TMEM163: variants seen among roughly 807,000 people sequenced by gnomAD.
TMEM163 encodes the protein transmembrane protein 163.
TMEM163 carries 17 observed loss-of-function variants against 29.3 expected under a neutral mutation model. The observed-to-expected ratio is 0.58, with a 90% CI of 0.40 to 0.87. The LOEUF (loss-of-function observed/expected upper bound fraction) is 0.87. Among genes scored for constraint, TMEM163 ranks in the 40% least tolerant of loss-of-function variants. The pLI is 0.00. For synonymous variants in TMEM163, 157 were observed against 160.6 expected (o/e 0.98, Z 0.17); for missense variants, 303 against 381.5 (o/e 0.79, Z 1.71).
chr2:134,718,597 T>C (rs1159739547), intron 1 of TMEM163, 137 bp downstream of exon 1: 11 of 574,074 alleles, frequency 1.9e-5, no homozygotes, highest in Non-Finnish European at 2.6e-5. Context: ...CTAGCGGCGT[T>C]CTCGCCGGGA....
intron 4 of TMEM163, among the ~76,000 whole-genome samples, chr2:134,536,934 A>C (rs1680555380): frequency 6.6e-6 from 1 of 152,236 alleles, no homozygotes; most frequent in Non-Finnish European, 1.5e-5. Context: ...TCACAGTATC[A>C]ACATAGCCAA....
At chr2:134,631,225 A>G (rs1682960425) in intron 2 of TMEM163, among the ~76,000 whole-genome samples, 1 of 152,212 alleles carries the variant, frequency 6.6e-6, no homozygotes, top group African/African-American at 2.4e-5. Flanking sequence ...ATTCGCAGGC[A>G]GTTGGGAAGG....
intron 2 of TMEM163, among the ~76,000 whole-genome samples, chr2:134,615,916 C>A (rs1348870281): frequency 6.6e-6 from 1 of 152,094 alleles, no homozygotes; most frequent in Non-Finnish European, 1.5e-5. Flanking sequence ...CTTGGCCTCC[C>A]CAAGTGTTGG....
intron 2 of TMEM163, among the ~76,000 whole-genome samples, chr2:134,559,695 C>T (rs1274001225): frequency 1.3e-5 from 2 of 152,228 alleles, no homozygotes; most frequent in African/African-American, 2.4e-5. Context: ...TATACAACCC[C>T]GCCCCTAATC....
At chr2:134,681,515 C>A (rs1156363549) in intron 2 of TMEM163, among the ~76,000 whole-genome samples, 1 of 152,120 alleles carries the variant, frequency 6.6e-6, no homozygotes. Context: ...CTCTACCCCC[C>A]ACTCTTTCTC....
intron 5 of TMEM163, among the ~76,000 whole-genome samples, chr2:134,488,006 T>TTAA (rs1553473781): frequency 6.9e-6 from 1 of 145,056 alleles, no homozygotes; most frequent in South Asian, 2.2e-4. Context: ...AATCTCCATT[T>TTAA]AAAAAAAAAA....
chr2:134,675,491 G>A (rs1039984307), intron 2 of TMEM163, among the ~76,000 whole-genome samples: 16 of 152,082 alleles, frequency 1.1e-4, no homozygotes, highest in African/African-American at 3.1e-4. Flanking sequence ...AGTAACACAC[G>A]GGAACAGCAG....
intron 5 of TMEM163, among the ~76,000 whole-genome samples, chr2:134,480,174 CT>C (rs1270627234): frequency 6.6e-6 from 1 of 152,184 alleles, no homozygotes; most frequent in Non-Finnish European, 1.5e-5. Context: ...ATAAAGGGGA[CT>C]CCTCTGCCCT....
At position 134,688,392 on chromosome 2, in the gene TMEM163, G is replaced by A. The variant is rs533457193; in HGVS notation, c.322+24808C>T. 4.3e-4 allele frequency among the ~76,000 whole-genome samples: 65 copies of A among 151,894 alleles called. 6 individuals are homozygous for A. Among genetic ancestry groups the A allele is most frequent in the African/African-American group, 1.4e-3 (58 of 41,438 alleles). ...TGAATGTCACCTTGGTGGGTGTACC[G>A]AATACACATAAAAAGTCAATAATCG... On this transcript the variant is annotated intron_variant, in intron 2 of 7. Coordinates refer to ENST00000281924, the MANE Select transcript of TMEM163 (RefSeq NM_030923.5).
At chr2:134,502,456 CA>C (rs1679717628) in intron 5 of TMEM163, among the ~76,000 whole-genome samples, 1 of 152,258 alleles carries the variant, frequency 6.6e-6, no homozygotes, top group South Asian at 2.1e-4. Flanking sequence ...TTCAATATCC[CA>C]GTGTCAATTG....
At chr2:134,493,686 C>G (rs1679482516) in intron 5 of TMEM163, among the ~76,000 whole-genome samples, 1 of 152,070 alleles carries the variant, frequency 6.6e-6, no homozygotes, top group African/African-American at 2.4e-5. Flanking sequence ...GGTGCCATGT[C>G]TAAGAAAATT....
chr2:134,456,941 A>C (rs1686410753), intron 7 of TMEM163, among the ~76,000 whole-genome samples, 165 bp from the exon 8 acceptor site: 1 of 151,936 alleles, frequency 6.6e-6, no homozygotes, highest in Non-Finnish European at 1.5e-5. Context: ...TTATCTCAGA[A>C]ACCCCATGTC....
chr2:134,597,148 A>AT (rs1187910488), intron 2 of TMEM163, among the ~76,000 whole-genome samples: 2 of 152,062 alleles, frequency 1.3e-5, no homozygotes, highest in Admixed American at 1.3e-4. Flanking sequence ...TTCCAACACT[A>AT]TGTTGAATAG....
chr2:134,538,844 G>A (rs957237331), intron 4 of TMEM163, among the ~76,000 whole-genome samples: 5 of 152,134 alleles, frequency 3.3e-5, no homozygotes, highest in African/African-American at 1.2e-4. Context: ...GACCTGGGAG[G>A]GGCTGGGTGG....
intron 5 of TMEM163, 53 bp from the exon 6 acceptor site, chr2:134,466,278 A>G (rs938548622): frequency 4.8e-6 from 7 of 1,451,678 alleles, no homozygotes; most frequent in Non-Finnish European, 4.8e-6. Context: ...GGAGCAGATC[A>G]TCTGCAACCC....
At chr2:134,497,882 C>A (rs1187759511) in intron 5 of TMEM163, among the ~76,000 whole-genome samples, 1 of 152,132 alleles carries the variant, frequency 6.6e-6, no homozygotes, top group African/African-American at 2.4e-5. Flanking sequence ...CCAGGGACCC[C>A]ACAAGGCCAA....
At chr2:134,606,058 T>C (rs1682349308) in intron 2 of TMEM163, among the ~76,000 whole-genome samples, 2 of 152,198 alleles carry the variant, frequency 1.3e-5, no homozygotes, top group Non-Finnish European at 2.9e-5. Context: ...GTTTGTGTTT[T>C]AGAAGGGGAT....
At chr2:134,481,876 T>A (rs1679193420) in intron 5 of TMEM163, among the ~76,000 whole-genome samples, 1 of 152,092 alleles carries the variant, frequency 6.6e-6, no homozygotes, top group Admixed American at 6.5e-5. Flanking sequence ...GCTGGTCCAC[T>A]CACAGAGCAA....
intron 2 of TMEM163, among the ~76,000 whole-genome samples, chr2:134,597,020 C>T (rs1396553155): frequency 1.3e-5 from 2 of 151,980 alleles, no homozygotes; most frequent in Admixed American, 6.5e-5. Flanking sequence ...TGGGCTGAGA[C>T]GACGGGGTTT....
Sources: gnomAD v4.1 joint callset for allele counts (sites outside exome capture counted in the v4.1 genomes callset) on GRCh38, gnomAD v4.1.1 for gene constraint, MANE v1.5 for transcripts, NCBI Gene and HGNC (gene_info 2026-07-23, HGNC 2026-07-21) for gene names.